PRTG: variants seen among roughly 807,000 people sequenced by gnomAD.
PRTG encodes the protein immunoglobulin superfamily, DCC subclass, member 5.
In PRTG, 67 loss-of-function variants were observed where a neutral mutation model predicts 122.5. The ratio of observed to expected loss-of-function variants is 0.55; its 90% CI spans 0.45 to 0.67. The LOEUF is 0.67. Among genes scored for constraint, PRTG ranks in the 30% least tolerant of loss-of-function variants. PRTG has a pLI of 0.00. For synonymous variants in PRTG, 554 were observed against 501.1 expected, an observed-to-expected ratio of 1.11 and a Z score of -1.41; for missense variants, 1,435 against 1,415.4, an observed-to-expected ratio of 1.01 and a Z score of -0.22.
intron 2 of PRTG, among the ~76,000 whole-genome samples, chr15:55,719,843 G>A (rs1406151303): frequency 2.0e-5 from 3 of 152,094 alleles, no homozygotes; most frequent in African/African-American, 7.2e-5. Context: ...CAGATCACCT[G>A]AGGTCAGGAG....
rs117225364 is a variant in PRTG, at chr15:55,681,000, G to T, written c.677-372C>A. On this transcript the variant is annotated intron_variant, in intron 4 of 19. Coordinates refer to ENST00000389286, the MANE Select transcript of PRTG (RefSeq NM_173814.6). ...TCATATAAATGGAACCATATATTATGTGGTCTTTTCTGAATGGCTTCTTTT... is the reference window on the plus strand; with the variant it reads ...TCATATAAATGGAACCATATATTATTTGGTCTTTTCTGAATGGCTTCTTTT... Among the ~76,000 whole-genome samples the T allele has an allele frequency of 7.3e-3, 1,104 of 152,200 alleles. 9 individuals carry two copies. Among genetic ancestry groups the T allele is most frequent in the Non-Finnish European group, 0.013 (915 of 67,992 alleles).
At chr15:55,625,959 C>T (rs903354691) in intron 17 of PRTG, among the ~76,000 whole-genome samples, 3 of 152,160 alleles carry the variant, frequency 2.0e-5, no homozygotes, top group African/African-American at 4.8e-5. Context: ...CACTATGTTG[C>T]TTAGGCTGGT....
At chr15:55,715,495 T>C (rs1201387099) in intron 2 of PRTG, among the ~76,000 whole-genome samples, 1 of 151,916 alleles carries the variant, frequency 6.6e-6, no homozygotes, top group African/African-American at 2.4e-5. Context: ...GCCTTGAGAG[T>C]ATGTGAAGCA....
intron 11 of PRTG, among the ~76,000 whole-genome samples, chr15:55,643,802 C>G (rs1443088260): frequency 2.6e-5 from 4 of 152,014 alleles, no homozygotes; most frequent in African/African-American, 4.8e-5. Context: ...AAGTACAAGA[C>G]CTCTAAATTT....
At chr15:55,733,968 C>T (rs552986365) in intron 2 of PRTG, among the ~76,000 whole-genome samples, 3 of 152,310 alleles carry the variant, frequency 2.0e-5, no homozygotes, top group African/African-American at 7.2e-5. Context: ...TCCAACATCA[C>T]TGGAAAGTGT....
intron 11 of PRTG, among the ~76,000 whole-genome samples, chr15:55,672,131 A>C (rs1045093037): frequency 6.6e-6 from 1 of 152,146 alleles, no homozygotes; most frequent in Non-Finnish European, 1.5e-5. Flanking sequence ...GCTATTCTAC[A>C]TCCGCCACAC....
rs547781098 is a variant in PRTG, at chr15:55,617,132, C to T, written c.*2880G>A. The T allele has an allele frequency of 1.2e-4, 19 of 152,132 alleles. No homozygotes were observed. The South Asian group carries it at 2.3e-3, about 18-fold the overall frequency. 9.4% of individuals were successfully genotyped at this position (152,132 alleles called of 1,614,324 possible). A position where few individuals can be genotyped will look rare whatever the true frequency, so the allele number is the denominator to read the frequency against. On this transcript the variant is annotated 3_prime_UTR_variant, in exon 20 of 20. Coordinates refer to ENST00000389286, the MANE Select transcript of PRTG (RefSeq NM_173814.6). ...TTTAATTACAATTTCATACTTAAGA[C>T]TTCAAAGAAGCTTGATTTGGTCAAG...
At chr15:55,646,813 T>C (rs886507099) in intron 11 of PRTG, among the ~76,000 whole-genome samples, 4 of 152,216 alleles carry the variant, frequency 2.6e-5, no homozygotes, top group African/African-American at 7.2e-5. Flanking sequence ...TTACATTTTG[T>C]CCCTAGCCAA....
Position 55,650,966 on chromosome 15 carries a change from C to CA in PRTG, c.2042-9759dup, listed in dbSNP as rs926173852. On this transcript the variant is annotated intron_variant, in intron 11 of 19. Transcript: ENST00000389286. Reference sequence around the variant, plus strand: ...TGGGTGACAGAGTGAGACTCAGTCTCAAAAAAAAGAAAGGAAAAGAACATG... The same window carrying CA: ...TGGGTGACAGAGTGAGACTCAGTCTCAAAAAAAAAGAAAGGAAAAGAACATG... Among the ~76,000 whole-genome samples the CA allele has an allele frequency of 9.3e-5, 14 of 151,266 alleles. No individual in the cohort carries two copies. In the East Asian group the frequency reaches 9.7e-4, roughly 11 times the overall value.
In PRTG at chr15:55,696,752, T is replaced by C. The variant is rs560700157; in HGVS notation, c.398-12821A>G. Among the ~76,000 whole-genome samples the C allele has an allele frequency of 3.5e-4, 53 of 152,374 alleles. 1 individual carries two copies. Among genetic ancestry groups the C allele is most frequent in the African/African-American group, 1.3e-3 (52 of 41,594 alleles). ...TGTACTAAATATACAACAGCCATTCTATAAGTGGTTTATTACCTAATTTCT... is the reference window on the plus strand; with the variant it reads ...TGTACTAAATATACAACAGCCATTCCATAAGTGGTTTATTACCTAATTTCT... On this transcript the variant is annotated intron_variant, in intron 2 of 19. Transcript: ENST00000389286.
At chr15:55,713,733 A>AT (rs35418409) in intron 2 of PRTG, among the ~76,000 whole-genome samples, 90,589 of 151,626 alleles carry the variant, frequency 0.6, 28,007 homozygotes, top group Non-Finnish European at 0.69. Context: ...TTGAATTGCT[A>AT]TTTTTTTACT....
At chr15:55,707,866 C>T (rs2030197074) in intron 2 of PRTG, among the ~76,000 whole-genome samples, 1 of 152,076 alleles carries the variant, frequency 6.6e-6, no homozygotes, top group African/African-American at 2.4e-5. Flanking sequence ...GCTAGATTTC[C>T]CAACTTTGTG....
Position 55,620,092 on chromosome 15 carries a change from C to A in PRTG, c.3373G>T (p.Asp1125Tyr). 6.2e-7 allele frequency: 1 copy of A among 1,614,160 alleles called. No homozygotes were observed. Among genetic ancestry groups the A allele is most frequent in the Non-Finnish European group, 8.5e-7 (1 of 1,180,030 alleles). The change falls in exon 20 of 20, where the codon GAT becomes TAT. Residue 1125 changes from aspartate (D) to tyrosine (Y), a missense_variant. Transcript: ENST00000389286. The stretch of plus-strand genomic sequence containing the variant: ...GACTCATGAGAAAACCGCCCAGAAT[C>A]CCCAGTCTCATGGCTGCCTTCACTA... ...ANSEGSHETG[D>Y]SGRFSHESND...
intron 2 of PRTG, among the ~76,000 whole-genome samples, chr15:55,705,793 ATT>A (rs1488623976): frequency 6.6e-6 from 1 of 151,358 alleles, no homozygotes; most frequent in African/African-American, 2.4e-5. Context: ...TTTATCCAAC[ATT>A]CCACACCACT....
chr15:55,738,748 A>T, intron 2 of PRTG: 6 of 187,848 alleles, frequency 3.2e-5, no homozygotes, highest in Non-Finnish European at 6.5e-5. Context: ...GCAGGCAGGC[A>T]GAGGGAGGGA....
rs2141697953 is a variant in PRTG, at chr15:55,613,027, T to G, written c.*6985A>C. The G allele has an allele frequency of 6.6e-6, 1 of 152,172 alleles. No individual in the cohort carries two copies. The highest frequency in any genetic ancestry group is 1.9e-4 in the East Asian group (1 of 5,184). The allele number at this position is 152,172 out of a possible 1,614,324, so 9.4% of individuals were successfully genotyped here. A position where few individuals can be genotyped will look rare whatever the true frequency, so the allele number is the denominator to read the frequency against. ...ATACAAATGAGTTTCAGATTATGATTATTTACACTTGAATTTTCTCTTAAG... is the reference window on the plus strand; with the variant it reads ...ATACAAATGAGTTTCAGATTATGATGATTTACACTTGAATTTTCTCTTAAG... On this transcript the variant is annotated 3_prime_UTR_variant, in exon 20 of 20. Transcript: ENST00000389286.
Position 55,679,266 on chromosome 15 carries a change from A to G in PRTG, c.1133+20T>C. ...GCCATTATATCATATATAAAATGGT[A>G]GCAAAGTTACACAGCCTACCTGTTG... On this transcript the variant is annotated intron_variant, in intron 7 of 19. Transcript: ENST00000389286. 6.4e-7 allele frequency: 1 copy of G among 1,565,462 alleles called. No homozygotes were observed. Among genetic ancestry groups the G allele is most frequent in the Non-Finnish European group, 8.8e-7 (1 of 1,139,304 alleles).
intron 2 of PRTG, among the ~76,000 whole-genome samples, chr15:55,705,617 T>C (rs2030075617): frequency 6.6e-6 from 1 of 151,382 alleles, no homozygotes; most frequent in Non-Finnish European, 1.5e-5. Context: ...CACACCCAGC[T>C]AATTTTTGTA....
chr15:55,668,657 C>A (rs1480731403), intron 11 of PRTG, among the ~76,000 whole-genome samples: 1 of 152,104 alleles, frequency 6.6e-6, no homozygotes, highest in Non-Finnish European at 1.5e-5. Context: ...AAGTCTAATG[C>A]TTTTTTCCAA....
Sources: allele counts gnomAD v4.1 joint callset (sites outside exome capture counted in the v4.1 genomes callset), GRCh38; gene constraint gnomAD v4.1.1; transcripts MANE v1.5; gene names NCBI Gene and HGNC (gene_info 2026-07-23, HGNC 2026-07-21).